Variants in VWA5A observed in about 807,000 individuals in gnomAD.
VWA5A encodes the protein von Willebrand factor A domain containing 5A.
VWA5A carries 77 observed loss-of-function variants against 84.6 expected under a neutral mutation model. The observed-to-expected ratio is 0.91, with a 90% CI of 0.76 to 1.10. VWA5A has a LOEUF of 1.10. VWA5A is among the 50% of genes least tolerant of loss of function. The pLI, the probability that VWA5A is intolerant of heterozygous loss-of-function variation, is 0.00. For synonymous variants in VWA5A, 334 were observed against 350.1 expected (o/e 0.95, Z 0.51); for missense variants, 973 against 963.0 (o/e 1.01, Z -0.14).
In VWA5A at chr11:124,118,356, TG is replaced by T. The variant is rs781125733; in HGVS notation, c.418del (p.Ala140LeufsTer10). On this transcript the variant is annotated frameshift_variant, in exon 5 of 19. Coordinates refer to ENST00000456829, the MANE Select transcript of VWA5A (RefSeq NM_001130142.2). LOFTEE classifies it high-confidence loss of function. Reference sequence around the variant, plus strand: ...TGCAGGAGCTGCCTCTGGAAGCAGATGGGGCTCTGCGCTTTGTGCTCCCAGC... The same window carrying T: ...TGCAGGAGCTGCCTCTGGAAGCAGATGGGCTCTGCGCTTTGTGCTCCCAGC... ...YVQELPLEAD[G>X]ALRFVLPAVL... 6.2e-7 allele frequency: 1 copy of T among 1,614,214 alleles called. No homozygotes were observed. The highest frequency in any genetic ancestry group is 8.5e-7 in the Non-Finnish European group (1 of 1,180,026).
At chr11:124,142,416 T>G in intron 16 of VWA5A, 26 bp from the exon 17 acceptor site, 1 of 1,612,634 alleles carries the variant, frequency 6.2e-7, no homozygotes, top group Admixed American at 1.7e-5. Flanking sequence ...CAATTTCTCA[T>G]TCTTCTCTTT....
chr11:124,133,447 T>C (rs1166366450), intron 11 of VWA5A, among the ~76,000 whole-genome samples: 1 of 152,214 alleles, frequency 6.6e-6, no homozygotes, highest in Non-Finnish European at 1.5e-5. Flanking sequence ...TTCTCTTGGC[T>C]TCTCTCTTCT....
Position 124,137,268 on chromosome 11 carries a change from G to C in VWA5A, c.1879G>C (p.Gly627Arg). ...CCCATTGAAGATAAAATGCCAATCA[G>C]GTAATGAGTTTTATTCCATTCAAAC... The part of the protein sequence containing the change: ...SAPLKIKCQS[G>R]FRKALHSDRP... Residue 627 changes from glycine (G) to arginine (R), a missense_variant and splice_region_variant, in exon 15 of 19, where the codon GGT becomes CGT. By Grantham distance (125) the Gly-to-Arg change is moderately radical. Coordinates refer to ENST00000456829, the MANE Select transcript of VWA5A (RefSeq NM_001130142.2). 6.2e-7 allele frequency: 1 copy of C among 1,613,638 alleles called. No individual in the cohort carries two copies. The highest frequency in any genetic ancestry group is 1.1e-5 in the South Asian group (1 of 91,034).
At chr11:124,128,830 T>C (rs1218834169) in intron 11 of VWA5A, among the ~76,000 whole-genome samples, 1 of 152,252 alleles carries the variant, frequency 6.6e-6, no homozygotes. Context: ...ACATTGATTT[T>C]CTATCCTAAG....
At chr11:124,131,855 A>T (rs1865102702) in intron 11 of VWA5A, among the ~76,000 whole-genome samples, 1 of 151,872 alleles carries the variant, frequency 6.6e-6, no homozygotes, top group Non-Finnish European at 1.5e-5. Context: ...CTCTAACAGA[A>T]ATCTGAATCA....
chr11:124,135,522 CTTT>C (rs60188800), intron 12 of VWA5A, among the ~76,000 whole-genome samples: 4 of 84,316 alleles, frequency 4.7e-5, no homozygotes, highest in Non-Finnish European at 6.7e-5. Context: ...GGTGGTATTT[CTTT>C]TTTTTTTTTT....
Position 124,124,462 on chromosome 11 carries a change from C to T in VWA5A, c.1244+146C>T, listed in dbSNP as rs371918844. The T allele has an allele frequency of 2.2e-5, 31 of 1,388,682 alleles. No homozygotes were observed. The South Asian group carries it at 3.7e-4, about 17-fold the overall frequency. 86.0% of individuals were successfully genotyped at this position (1,388,682 alleles called of 1,614,324 possible). On this transcript the variant is annotated intron_variant, in intron 11 of 18. Transcript: ENST00000456829. ...TTAGCAGCTGAAAATTTATTTCTCC[C>T]TGTAAACGTTAAAAACAGTTTTCCA...
In VWA5A at chr11:124,118,601, C is replaced by T. The variant is rs746630417; in HGVS notation, c.538C>T (p.Leu180Phe). The stretch of plus-strand genomic sequence containing the variant: ...CCCTGTGGAGGACCTGCCCTACACA[C>T]TCAGCATGGTCGCCACCATAGATTC... The part of the protein sequence containing the change: ...IVPVEDLPYT[L>F]SMVATIDSQH... Residue 180 changes from leucine (L) to phenylalanine (F), a missense_variant, in exon 6 of 19, where the codon CTC becomes TTC. By Grantham distance (22) the Leu-to-Phe change is conservative. Coordinates refer to ENST00000456829, the MANE Select transcript of VWA5A (RefSeq NM_001130142.2). The T allele has an allele frequency of 4.3e-6, 7 of 1,614,178 alleles. No individual in the cohort carries two copies. The highest frequency in any genetic ancestry group is 4.5e-5 in the East Asian group (2 of 44,876).
rs748447412 is a variant in VWA5A at position 124,141,702 on chromosome 11, C to A, written c.1984C>A (p.Leu662Ile). Residue 662 changes from leucine (L) to isoleucine (I), a missense_variant, in exon 16 of 19, where the codon CTC (leucine) becomes ATC (isoleucine). Leu to Ile is a conservative substitution (Grantham distance 5). Coordinates refer to ENST00000456829, the MANE Select transcript of VWA5A (RefSeq NM_001130142.2). ...GACATTCCAGATGGACGATTACAGT[C>A]TCTGTGGGTTGATAAGTCACAAGGA... ...AKTFQMDDYSLCGLISHKDQH... is the reference protein window; with the variant it reads ...AKTFQMDDYSICGLISHKDQH... 1 of 1,614,172 alleles carries A rather than the reference C, an allele frequency of 6.2e-7. No individual in the cohort carries two copies. The highest frequency in any genetic ancestry group is 2.2e-5 in the East Asian group (1 of 44,876).
chr11:124,142,216 G>GC (rs968585472), intron 16 of VWA5A, among the ~76,000 whole-genome samples: 14 of 152,086 alleles, frequency 9.2e-5, no homozygotes, highest in South Asian at 2.1e-4. Context: ...GGCTGCCCTC[G>GC]CCCCCCAGCA....
intron 11 of VWA5A, among the ~76,000 whole-genome samples, chr11:124,129,772 C>T (rs1362773952): frequency 6.6e-6 from 1 of 151,932 alleles, no homozygotes; most frequent in Non-Finnish European, 1.5e-5. Context: ...TATTTGCATA[C>T]AGCTGTTTAT....
At chr11:124,118,858 G>A in intron 6 of VWA5A, 117 bp from the exon 7 acceptor site, 6 of 1,344,204 alleles carry the variant, frequency 4.5e-6, no homozygotes, top group Non-Finnish European at 4.1e-6. Context: ...CTTCTCTCCA[G>A]CCTCACCTCT....
At chr11:124,117,990 G>T in intron 4 of VWA5A, 115 bp downstream of exon 4, 1 of 1,378,528 alleles carries the variant, frequency 7.3e-7, no homozygotes. Flanking sequence ...TGCTGATGTT[G>T]AAAGCTCTTT....
intron 11 of VWA5A, among the ~76,000 whole-genome samples, chr11:124,132,258 C>T (rs1451010706): frequency 1.3e-5 from 2 of 151,804 alleles, no homozygotes; most frequent in African/African-American, 4.8e-5. Context: ...ATACTTTTTT[C>T]AGGATTTTGA....
intron 18 of VWA5A, 145 bp downstream of exon 18, chr11:124,145,508 C>T: frequency 7.9e-7 from 1 of 1,263,672 alleles, no homozygotes. Context: ...CTTGGGAGGA[C>T]AAGGGTGAAA....
intron 16 of VWA5A, among the ~76,000 whole-genome samples, chr11:124,142,012 C>A (rs1057006705): frequency 8.1e-4 from 124 of 152,284 alleles, no homozygotes; most frequent in African/African-American, 2.9e-3. Context: ...TTTCTTTACC[C>A]AGGAGTTCAT....
Position 124,117,754 on chromosome 11 carries a change from A to T in VWA5A, c.125A>T (p.Glu42Val), listed in dbSNP as rs202202178. 240 of 1,614,204 alleles carry T rather than the reference A, an allele frequency of 1.5e-4. 5 individuals carry two copies. The East Asian group carries it at 5.1e-3, about 34-fold the overall frequency. Residue 42 changes from glutamate to valine, a missense_variant, in exon 4 of 19, where the codon GAG becomes GTG. Coordinates refer to ENST00000456829, the MANE Select transcript of VWA5A (RefSeq NM_001130142.2). ...GVSATLNYEN[E>V]EKVPLEAFFV... ...TCTGCAACTTTGAACTACGAGAATG[A>T]GGAGAAAGTTCCTTTGGAGGCCTTC...
At chr11:124,132,277 T>C (rs1291350304) in intron 11 of VWA5A, among the ~76,000 whole-genome samples, 2 of 152,078 alleles carry the variant, frequency 1.3e-5, no homozygotes, top group Non-Finnish European at 2.9e-5. Context: ...GAATCTATTT[T>C]CATGGGAAAT....
At chr11:124,125,710 T>A (rs1767609631) in intron 11 of VWA5A, among the ~76,000 whole-genome samples, 1 of 152,250 alleles carries the variant, frequency 6.6e-6, no homozygotes, top group Admixed American at 6.5e-5. Context: ...TACTTATTTA[T>A]TTCTATTAGA....
Sources: allele counts gnomAD v4.1 joint callset (sites outside exome capture counted in the v4.1 genomes callset), GRCh38; gene constraint gnomAD v4.1.1; transcripts MANE v1.5; gene names NCBI Gene and HGNC (gene_info 2026-07-23, HGNC 2026-07-21).